PAH: variants seen among roughly 807,000 people sequenced by gnomAD.
The protein encoded by PAH is phenylalanine-4-hydroxylase.
Under a neutral mutation model 62.0 loss-of-function variants are expected in PAH, and 64 were observed. The observed-to-expected ratio is 1.03, with a 90% confidence interval of 0.84 to 1.27. The LOEUF is 1.27. PAH is among the 50% of genes most tolerant of loss of function. The pLI, the probability that PAH is intolerant of heterozygous loss-of-function variation, is 0.00. For missense variants in PAH, 579 were observed against 542.8 expected, an observed-to-expected ratio of 1.07 and a Z score of -0.66; for synonymous variants, 195 against 196.2, an observed-to-expected ratio of 0.99 and a Z score of 0.05.
rs955667586 is a variant in PAH at position 102,876,302 on chromosome 12, C to T, written c.441+1160G>A. On this transcript the variant is annotated intron_variant, in intron 4 of 12. Transcript: ENST00000553106. ...GCCAGCTTGCCCCTGAAATAGCTTG[C>T]CTTTGGCCTCTGTAAAAGAGCCTGG... Among the ~76,000 whole-genome samples, 3 of 152,250 alleles carry T rather than the reference C, an allele frequency of 2.0e-5. 1 individual carries two copies. The highest frequency in any genetic ancestry group is 1.5e-5 in the Non-Finnish European group (1 of 68,018).
chr12:102,941,188 CA>C (rs1403231145), intron 1 of PAH, among the ~76,000 whole-genome samples: 2 of 152,036 alleles, frequency 1.3e-5, no homozygotes, highest in African/African-American at 2.4e-5. Flanking sequence ...AACATGGAAA[CA>C]AAAAACCATT....
intron 2 of PAH, among the ~76,000 whole-genome samples, chr12:102,906,339 C>T (rs1203981672): frequency 2.0e-5 from 3 of 152,104 alleles, no homozygotes; most frequent in Non-Finnish European, 4.4e-5. Context: ...TATCCTACGA[C>T]CAGATTCCAC....
chr12:102,942,191 G>A (rs137972886), intron 1 of PAH, among the ~76,000 whole-genome samples: 83 of 152,042 alleles, frequency 5.5e-4, no homozygotes, highest in East Asian at 1.4e-3. Flanking sequence ...GCTCTAAGGC[G>A]TCTAGATCTG....
chr12:102,861,965 A>G (rs1453742154), intron 5 of PAH, among the ~76,000 whole-genome samples: 6 of 108,516 alleles, frequency 5.5e-5, no homozygotes, highest in Non-Finnish European at 9.1e-5. Context: ...AACTTAAAGT[A>G]TAAAAAAAAA....
At chr12:102,950,457 C>G (rs879854372) in intron 1 of PAH, 1 of 152,274 alleles carries the variant, frequency 6.6e-6, no homozygotes, top group Non-Finnish European at 1.5e-5. Context: ...GGAGACAGCT[C>G]CAGCCACGAA....
At chr12:102,859,192 A>G (rs1875593932) in intron 5 of PAH, among the ~76,000 whole-genome samples, 1 of 152,220 alleles carries the variant, frequency 6.6e-6, no homozygotes, top group Admixed American at 6.5e-5. Flanking sequence ...AATACTATAA[A>G]CACCTCTATG....
intron 2 of PAH, among the ~76,000 whole-genome samples, chr12:102,905,540 T>C (rs1292628397): frequency 6.6e-6 from 1 of 152,002 alleles, no homozygotes; most frequent in Non-Finnish European, 1.5e-5. Context: ...TTAAAAAAAA[T>C]ATAAGGCCGG....
intron 10 of PAH, among the ~76,000 whole-genome samples, chr12:102,844,127 GAT>G (rs1398815514): frequency 6.6e-6 from 1 of 152,170 alleles, no homozygotes; most frequent in East Asian, 1.9e-4. Flanking sequence ...TCTCCCCAGA[GAT>G]ATGTGTACTT....
intron 1 of PAH, among the ~76,000 whole-genome samples, chr12:102,931,926 C>G (rs1017368077): frequency 3.3e-5 from 5 of 152,158 alleles, no homozygotes; most frequent in African/African-American, 1.2e-4. Flanking sequence ...CAAAAAACCA[C>G]TGGTAAATGA....
Position 102,845,578 on chromosome 12 carries a change from T to G in PAH, c.970-1147A>C, listed in dbSNP as rs1017374332. ...AGAGTTGGCCTGAAAAAAAGAATATTGGGGTTCTGGGGCTAAGAGGAACCC... is the reference window on the plus strand; with the variant it reads ...AGAGTTGGCCTGAAAAAAAGAATATGGGGGTTCTGGGGCTAAGAGGAACCC... On this transcript the variant is annotated intron_variant, in intron 9 of 12. Transcript: ENST00000553106. 2.6e-5 allele frequency among the ~76,000 whole-genome samples: 4 copies of G among 152,196 alleles called. No individual in the cohort carries two copies. The South Asian group carries it at 8.3e-4, about 32-fold the overall frequency.
intron 9 of PAH, among the ~76,000 whole-genome samples, chr12:102,846,686 G>A (rs112352799): frequency 6.6e-6 from 1 of 152,330 alleles, no homozygotes; most frequent in East Asian, 1.9e-4. Context: ...TTTAAGAGAT[G>A]TAAACATCTG....
chr12:102,946,175 A>T (rs996379541), intron 1 of PAH: 2 of 151,956 alleles, frequency 1.3e-5, no homozygotes, highest in Non-Finnish European at 2.9e-5. Flanking sequence ...CTTTCCTCAA[A>T]CAGAGGGAAG....
At chr12:102,840,836 AGAGT>A (rs1212294713) in intron 11 of PAH, among the ~76,000 whole-genome samples, 2 of 152,216 alleles carry the variant, frequency 1.3e-5, no homozygotes. Flanking sequence ...AATAAAATCA[AGAGT>A]AAGTAAAATC....
Position 102,917,082 on chromosome 12 carries a change from C to G in PAH, c.49G>C (p.Asp17His). 1 of 1,614,202 alleles carries G rather than the reference C, an allele frequency of 6.2e-7. No homozygotes were observed. Among genetic ancestry groups the G allele is most frequent in the South Asian group, 1.1e-5 (1 of 91,068 alleles). Residue 17 changes from aspartate (D) to histidine (H), a missense_variant, in exon 1 of 13, where the codon GAC becomes CAC. Transcript: ENST00000553106. Reference protein sequence around the residue: ...ENPGLGRKLSDFGQETSYIED... With the variant: ...ENPGLGRKLSHFGQETSYIED... ...CTGCCGTGGCTCACCTGTCCAAAGT[C>G]AGAGAGTTTCCTGCCCAAGCCTGGG...
intron 1 of PAH, among the ~76,000 whole-genome samples, chr12:102,935,248 C>T (rs996940007): frequency 2.0e-5 from 3 of 152,006 alleles, no homozygotes; most frequent in Non-Finnish European, 4.4e-5. Context: ...ATAAATCTCA[C>T]GTGGTCTTGA....
chr12:102,875,451 C>G (rs1263437172), intron 4 of PAH, among the ~76,000 whole-genome samples: 1 of 152,146 alleles, frequency 6.6e-6, no homozygotes, highest in Non-Finnish European at 1.5e-5. Flanking sequence ...CTGGGCAGAC[C>G]CCTTGGATGG....
chr12:102,845,518 T>C (rs1351666635), intron 9 of PAH, among the ~76,000 whole-genome samples: 1 of 152,182 alleles, frequency 6.6e-6, no homozygotes, highest in Non-Finnish European at 1.5e-5. Flanking sequence ...ACCAAGTACT[T>C]TTCTTTCAAT....
upstream of PAH, among the ~76,000 whole-genome samples, chr12:102,954,508 G>A (rs1181442196): frequency 2.0e-5 from 3 of 152,304 alleles, no homozygotes; most frequent in Admixed American, 6.5e-5. Flanking sequence ...AACTCTTGGA[G>A]GTAGATACTA....
chr12:102,925,035 C>T (rs1166493623), intron 1 of PAH, among the ~76,000 whole-genome samples: 1 of 152,114 alleles, frequency 6.6e-6, no homozygotes, highest in Non-Finnish European at 1.5e-5. Flanking sequence ...ATTTTCTTTC[C>T]TTCTTTCGCA....
Sources: gnomAD v4.1 joint callset for allele counts (sites outside exome capture counted in the v4.1 genomes callset) on GRCh38, gnomAD v4.1.1 for gene constraint, MANE v1.5 for transcripts, NCBI Gene and HGNC (gene_info 2026-07-23, HGNC 2026-07-21) for gene names.